KYNU: variants seen among roughly 807,000 people sequenced by gnomAD.
KYNU encodes kynureninase.
A neutral mutation model predicts 59.2 loss-of-function variants in KYNU; 54 were observed. The ratio of observed to expected loss-of-function variants is 0.91; its 90% confidence interval spans 0.73 to 1.14. KYNU has a LOEUF of 1.14. KYNU is among the 50% of genes most tolerant of loss of function. KYNU has a pLI of 0.00. For synonymous variants in KYNU, 177 were observed against 192.0 expected, an observed-to-expected ratio of 0.92 and a Z score of 0.65; for missense variants, 567 against 554.4, an observed-to-expected ratio of 1.02 and a Z score of -0.23.
Position 143,046,589 on chromosome 2 carries a change from C to A in KYNU, c.*4417C>A. 7.0e-6 allele frequency: 1 copy of A among 142,138 alleles called. No individual in the cohort carries two copies. Among genetic ancestry groups the A allele is most frequent in the Non-Finnish European group, 1.6e-5 (1 of 62,248 alleles). 8.8% of individuals were successfully genotyped at this position (142,138 alleles called of 1,614,324 possible). Reference sequence around the variant, plus strand: ...ATATAGATATGTAGATATATGAAAGCAATATATATATGGATGTCTTTCTGG... The same window carrying A: ...ATATAGATATGTAGATATATGAAAGAAATATATATATGGATGTCTTTCTGG... On this transcript the variant is annotated 3_prime_UTR_variant, in exon 14 of 14. Transcript: ENST00000264170.
intron 4 of KYNU, among the ~76,000 whole-genome samples, chr2:142,943,585 G>A (rs1429171134): frequency 1.3e-5 from 2 of 152,072 alleles, no homozygotes; most frequent in African/African-American, 4.8e-5. Flanking sequence ...TAAAATTGCT[G>A]AAGAATATTA....
At chr2:142,961,203 A>C (rs1365934914) in intron 8 of KYNU, among the ~76,000 whole-genome samples, 3 of 151,768 alleles carry the variant, frequency 2.0e-5, no homozygotes, top group Admixed American at 1.3e-4. Flanking sequence ...AAAAAAAAAA[A>C]AGCGAGTAAA....
chr2:142,974,268 G>C (rs1684824479), intron 8 of KYNU, among the ~76,000 whole-genome samples: 1 of 152,162 alleles, frequency 6.6e-6, no homozygotes, highest in African/African-American at 2.4e-5. Context: ...AAAGAGGAAG[G>C]GTATGGTAAC....
chr2:143,006,219 C>T (rs567224828), intron 10 of KYNU, among the ~76,000 whole-genome samples: 1 of 152,192 alleles, frequency 6.6e-6, no homozygotes, highest in African/African-American at 2.4e-5. Flanking sequence ...CGAGCCGAAA[C>T]AGGGCGAGGC....
In KYNU at chr2:143,017,578, A is replaced by G. The variant is rs562392728; in HGVS notation, c.903-12049A>G. 5.3e-5 allele frequency among the ~76,000 whole-genome samples: 8 copies of G among 150,304 alleles called. No homozygotes were observed. The South Asian group carries it at 1.7e-3, about 32-fold the overall frequency. ...TGCCTCAGCCTCCTTAGCTGGGATTACAGGCATGCACCATCACGCCCAGCT... is the reference window on the plus strand; with the variant it reads ...TGCCTCAGCCTCCTTAGCTGGGATTGCAGGCATGCACCATCACGCCCAGCT... On this transcript the variant is annotated intron_variant, in intron 10 of 13. Transcript: ENST00000264170.
At chr2:142,988,078 C>T (rs920460319) in intron 10 of KYNU, among the ~76,000 whole-genome samples, 1 of 151,510 alleles carries the variant, frequency 6.6e-6, no homozygotes, top group Non-Finnish European at 1.5e-5. Flanking sequence ...CAGTCTCAGG[C>T]AGTTGTTTGT....
At chr2:143,010,166 T>C (rs1199903207) in intron 10 of KYNU, among the ~76,000 whole-genome samples, 2 of 133,528 alleles carry the variant, frequency 1.5e-5, no homozygotes, top group South Asian at 5.0e-4. Context: ...AAAACCCCAT[T>C]GTCTCAGCCC....
chr2:142,893,938 A>G lies in KYNU; in HGVS notation c.169+8402A>G, dbSNP rs199824053. Among the ~76,000 whole-genome samples, 3 of 152,352 alleles carry G rather than the reference A, an allele frequency of 2.0e-5. No individual in the cohort carries two copies. In the East Asian group the frequency reaches 5.8e-4, roughly 29 times the overall value. On this transcript the variant is annotated intron_variant, in intron 2 of 13. Transcript: ENST00000264170. The stretch of plus-strand genomic sequence containing the variant: ...ATTTTTGGGCAATATGATACCAGGC[A>G]TAACATACCTCAGCCACAGGACAAA...
At chr2:142,995,269 T>C (rs1442921637) in intron 10 of KYNU, among the ~76,000 whole-genome samples, 1 of 152,138 alleles carries the variant, frequency 6.6e-6, no homozygotes, top group Non-Finnish European at 1.5e-5. Context: ...CTAAAATTTA[T>C]CATTTCTGGA....
rs893283359 is a variant in KYNU, at chr2:143,049,114, T to G, written c.*6942T>G. 6 of 152,220 alleles carry G rather than the reference T, an allele frequency of 3.9e-5. No individual in the cohort carries two copies. The highest frequency in any genetic ancestry group is 6.5e-5 in the Admixed American group (1 of 15,272). The allele number at this position is 152,220 out of a possible 1,614,324, so 9.4% of individuals were successfully genotyped here. ...TTACCTCTTTCTATTATTTCCTTTT[T>G]AAAATAAAAGGGTATATGTTAGAAT... On this transcript the variant is annotated 3_prime_UTR_variant, in exon 14 of 14. Transcript: ENST00000264170.
At chr2:142,928,540 G>A (rs1248116036) in intron 4 of KYNU, among the ~76,000 whole-genome samples, 1 of 152,104 alleles carries the variant, frequency 6.6e-6, no homozygotes. Flanking sequence ...CCAGTAATTA[G>A]AGAGAAAATC....
chr2:142,978,536 A>C (rs748008394), intron 8 of KYNU, among the ~76,000 whole-genome samples: 1 of 152,170 alleles, frequency 6.6e-6, no homozygotes, highest in Non-Finnish European at 1.5e-5. Flanking sequence ...TTCACCTACC[A>C]TAATGATAGT....
At chr2:142,947,032 T>G in intron 4 of KYNU, 1 of 1,546,310 alleles carries the variant, frequency 6.5e-7, no homozygotes, top group South Asian at 1.2e-5. Context: ...TTTTGTGGGC[T>G]GATTCTCACC....
intron 13 of KYNU, 117 bp from the exon 14 acceptor site, chr2:143,041,930 A>G (rs1687068460): frequency 9.9e-7 from 1 of 1,012,334 alleles, no homozygotes; most frequent in South Asian, 1.4e-5. Context: ...AATTTTGCAT[A>G]TATATTAATT....
At chr2:143,038,436 G>A (rs73961708) in intron 12 of KYNU, among the ~76,000 whole-genome samples, 23,924 of 152,056 alleles carry the variant, frequency 0.16, 1,965 homozygotes, top group East Asian at 0.27. Flanking sequence ...ATTATGCCAA[G>A]TCTACCTACA....
At chr2:142,980,748 T>C (rs978377186) in intron 8 of KYNU, among the ~76,000 whole-genome samples, 1 of 152,052 alleles carries the variant, frequency 6.6e-6, no homozygotes, top group African/African-American at 2.4e-5. Flanking sequence ...TCAGTATGAG[T>C]GTGATTGTAT....
chr2:143,042,007 A>G (rs1687070676), intron 13 of KYNU, 40 bp from the exon 14 acceptor site: 1 of 1,606,700 alleles, frequency 6.2e-7, no homozygotes, highest in Non-Finnish European at 8.5e-7. Flanking sequence ...CAACGTGTGA[A>G]TAATGCTAAC....
chr2:142,968,816 G>A (rs1684624950), intron 8 of KYNU, among the ~76,000 whole-genome samples: 2 of 152,118 alleles, frequency 1.3e-5, no homozygotes, highest in South Asian at 2.1e-4. Context: ...AGGAGGCTGA[G>A]GTGGGAGTAT....
At chr2:142,989,284 T>C in intron 10 of KYNU, 1 of 666,456 alleles carries the variant, frequency 1.5e-6, no homozygotes, top group Non-Finnish European at 1.9e-6. Flanking sequence ...ATTCCACGAT[T>C]AGCTGGTTTA....
Sources: gnomAD v4.1 joint callset for allele counts (sites outside exome capture counted in the v4.1 genomes callset) on GRCh38, gnomAD v4.1.1 for gene constraint, MANE v1.5 for transcripts, NCBI Gene and HGNC (gene_info 2026-07-23, HGNC 2026-07-21) for gene names.